The following PLCL2 variants were observed in gnomAD, a reference collection of about 807,000 sequenced individuals.
PLCL2 encodes phospholipase C like 2, also known as inactive phospholipase C-like protein 2.
In PLCL2, 4 loss-of-function variants were observed where a neutral mutation model predicts 79.6. That is an observed-to-expected ratio of 0.05 (90% CI 0.02 to 0.11). The LOEUF (loss-of-function observed/expected upper bound fraction) is 0.11, where lower values mean the gene tolerates loss of function less well. Among genes scored for constraint, PLCL2 ranks in the 10% least tolerant of loss-of-function variants. The pLI, the probability that PLCL2 is intolerant of heterozygous loss-of-function variation, is 1.00. For missense variants in PLCL2, 895 were observed against 1,291.0 expected (o/e 0.69, Z 4.70); for synonymous variants, 484 against 457.7 (o/e 1.06, Z -0.73).
chr3:17,072,563 G>A (rs868424924), intron 5 of PLCL2, among the ~76,000 whole-genome samples: 3 of 151,784 alleles, frequency 2.0e-5, no homozygotes, highest in Admixed American at 6.6e-5. Context: ...CAGCTACTTG[G>A]GAGGCTGAGG....
chr3:16,961,178 T>C (rs1559499542), intron 1 of PLCL2, among the ~76,000 whole-genome samples: 2 of 152,262 alleles, frequency 1.3e-5, no homozygotes, highest in South Asian at 2.1e-4. Context: ...GATTTCATTG[T>C]ATACTCGTGG....
intron 5 of PLCL2, among the ~76,000 whole-genome samples, chr3:17,080,841 G>T (rs1188334839): frequency 6.6e-6 from 1 of 152,320 alleles, no homozygotes; most frequent in African/African-American, 2.4e-5. Flanking sequence ...AGAGTGAATT[G>T]TCTACACAGT....
intron 1 of PLCL2, among the ~76,000 whole-genome samples, chr3:16,935,182 C>T (rs1003511253): frequency 7.9e-5 from 12 of 152,116 alleles, no homozygotes; most frequent in Non-Finnish European, 1.6e-4. Flanking sequence ...TTTTTTCATG[C>T]TTATCAACTA....
chr3:17,027,726 G>A (rs561222746), intron 3 of PLCL2, among the ~76,000 whole-genome samples: 6 of 151,736 alleles, frequency 4.0e-5, no homozygotes, highest in Admixed American at 2.6e-4. Flanking sequence ...GATTCTAATC[G>A]TTAACCTGGA....
intron 1 of PLCL2, among the ~76,000 whole-genome samples, chr3:16,924,250 A>G (rs1240905001): frequency 6.6e-6 from 1 of 151,622 alleles, no homozygotes; most frequent in East Asian, 1.9e-4. Context: ...GATTTCCCCC[A>G]CTCCCCAGGG....
At chr3:16,967,052 G>C (rs562508856) in intron 1 of PLCL2, among the ~76,000 whole-genome samples, 12 of 152,042 alleles carry the variant, frequency 7.9e-5, no homozygotes, top group Non-Finnish European at 1.8e-4. Flanking sequence ...GTTTGCTTAG[G>C]ATAATGGCCT....
chr3:17,064,063 T>C (rs994577646), intron 4 of PLCL2, among the ~76,000 whole-genome samples: 3 of 152,236 alleles, frequency 2.0e-5, no homozygotes, highest in Non-Finnish European at 4.4e-5. Flanking sequence ...AAGGACTTTT[T>C]CGTTGGGCTA....
At chr3:16,891,547 C>G (rs923935781) in intron 1 of PLCL2, among the ~76,000 whole-genome samples, 1 of 152,162 alleles carries the variant, frequency 6.6e-6, no homozygotes, top group Non-Finnish European at 1.5e-5. Flanking sequence ...TCTGATACCT[C>G]AGTACAACTG....
chr3:17,035,040 A>C (rs914956648), intron 3 of PLCL2, among the ~76,000 whole-genome samples: 5 of 152,180 alleles, frequency 3.3e-5, no homozygotes, highest in African/African-American at 9.7e-5. Flanking sequence ...CTGGAGCATC[A>C]TGCAACATTC....
At chr3:16,941,629 C>G (rs2063547805) in intron 1 of PLCL2, among the ~76,000 whole-genome samples, 1 of 152,208 alleles carries the variant, frequency 6.6e-6, no homozygotes, top group South Asian at 2.1e-4. Flanking sequence ...CTTTCCTCCT[C>G]TCTGCTAAGC....
chr3:16,941,669 A>G (rs1351771620), intron 1 of PLCL2, among the ~76,000 whole-genome samples: 1 of 152,164 alleles, frequency 6.6e-6, no homozygotes, highest in Non-Finnish European at 1.5e-5. Flanking sequence ...CACAAACTTC[A>G]TCTTCATAAT....
chr3:16,929,064 T>TAAA (rs370154812), intron 1 of PLCL2, among the ~76,000 whole-genome samples: 112,871 of 112,898 alleles, frequency 1, 56,422 homozygotes, highest in Middle Eastern at 1. Flanking sequence ...AGTGCTGGCT[T>TAAA]TGAACGTACA....
intron 4 of PLCL2, among the ~76,000 whole-genome samples, chr3:17,052,139 C>T (rs2064847698): frequency 6.7e-6 from 1 of 148,182 alleles, no homozygotes; most frequent in Non-Finnish European, 1.5e-5. Flanking sequence ...TCATCGAGTC[C>T]AAAACAATAA....
intron 3 of PLCL2, among the ~76,000 whole-genome samples, chr3:17,018,894 A>G (rs1163259692): frequency 6.6e-6 from 1 of 152,208 alleles, no homozygotes. Context: ...ACCAGTGACT[A>G]TTGTAGGCAA....
intron 1 of PLCL2, among the ~76,000 whole-genome samples, chr3:16,976,190 A>G (rs1222812079): frequency 2.0e-5 from 3 of 151,990 alleles, no homozygotes; most frequent in Non-Finnish European, 4.4e-5. Context: ...AACCAATATG[A>G]TATTTGTGCG....
chr3:16,994,838 A>G (rs547384882), intron 1 of PLCL2, among the ~76,000 whole-genome samples: 55 of 152,272 alleles, frequency 3.6e-4, no homozygotes, highest in African/African-American at 1.3e-3. Flanking sequence ...CAGCTCCGTT[A>G]TTACATCCAG....
chr3:17,037,663 A>C (rs1281436560), intron 3 of PLCL2, among the ~76,000 whole-genome samples: 3 of 152,078 alleles, frequency 2.0e-5, no homozygotes, highest in Non-Finnish European at 1.5e-5. Flanking sequence ...GGGGAAAAAA[A>C]TCTAGAATTC....
At chr3:16,943,689 A>AAT (rs2063575544) in intron 1 of PLCL2, among the ~76,000 whole-genome samples, 1 of 152,252 alleles carries the variant, frequency 6.6e-6, no homozygotes, top group Admixed American at 6.5e-5. Flanking sequence ...CTGCTTAAAA[A>AAT]ATATAACAGA....
intron 1 of PLCL2, among the ~76,000 whole-genome samples, chr3:16,942,622 T>G (rs935391442): frequency 6.6e-6 from 1 of 152,204 alleles, no homozygotes; most frequent in African/African-American, 2.4e-5. Context: ...TTTTCCATTC[T>G]TCTCATTGTC....
Sources: allele counts gnomAD v4.1 joint callset (sites outside exome capture counted in the v4.1 genomes callset), GRCh38; gene constraint gnomAD v4.1.1; transcripts MANE v1.5; gene names NCBI Gene and HGNC (gene_info 2026-07-23, HGNC 2026-07-21).